Variants in LIPG observed in about 807,000 individuals in gnomAD.
LIPG encodes lipase G, endothelial type, also known as endothelial lipase.
In LIPG, 34 loss-of-function variants were observed where a neutral mutation model predicts 51.8. The ratio of observed to expected loss-of-function variants is 0.66; its 90% CI spans 0.50 to 0.87. The LOEUF (loss-of-function observed/expected upper bound fraction) is 0.87, where lower values mean the gene tolerates loss of function less well. Ranked by LOEUF, LIPG falls within the 40% of genes least tolerant of loss-of-function variation. LIPG has a pLI of 0.00. For synonymous variants in LIPG, 246 were observed against 246.1 expected, an observed-to-expected ratio of 1.00 and a Z score of 0.00; for missense variants, 580 against 652.7, an observed-to-expected ratio of 0.89 and a Z score of 1.21.
intron 5 of LIPG, among the ~76,000 whole-genome samples, chr18:49,578,306 C>T (rs1185523597): frequency 2.1e-4 from 29 of 140,826 alleles, no homozygotes; most frequent in East Asian, 4.4e-4. Context: ...ACTTCTCAGA[C>T]GGGGCAGCCG....
chr18:49,572,343 AAAAC>A (rs990857398), intron 4 of LIPG, among the ~76,000 whole-genome samples: 153 of 151,698 alleles, frequency 1.0e-3, no homozygotes, highest in Admixed American at 3.8e-3. Context: ...TAAAAAATAA[AAAAC>A]AAACAAACAA....
In LIPG at chr18:49,590,551, G is replaced by A. The variant is rs1169098253; in HGVS notation, c.*29G>A. ...TGCCCGGGCAAGTCTTGCCAGCAAG[G>A]CAGCAAGACTTCCTGCTATCCAAGC... On this transcript the variant is annotated 3_prime_UTR_variant, in exon 10 of 10. Transcript: ENST00000261292. 2 of 1,586,664 alleles carry A rather than the reference G, an allele frequency of 1.3e-6. No homozygotes were observed. The highest frequency in any genetic ancestry group is 1.7e-6 in the Non-Finnish European group (2 of 1,163,706).
chr18:49,587,568 C>CAAAAAAAAAAAAAA lies in LIPG; in HGVS notation c.1481+731_1481+744dup, dbSNP rs34734805. Among the ~76,000 whole-genome samples the CAAAAAAAAAAAAAA allele has an allele frequency of 1.4e-4, 6 of 42,310 alleles. 1 individual carries two copies. Among genetic ancestry groups the CAAAAAAAAAAAAAA allele is most frequent in the African/African-American group, 4.8e-4 (6 of 12,628 alleles). The allele number at this position is 42,310 out of a possible 152,430, so 27.8% of individuals were successfully genotyped here. A position where few individuals can be genotyped will look rare whatever the true frequency, so the allele number is the denominator to read the frequency against. ...TGGGTGACAGAGTGAGACTCCGTCT[C>CAAAAAAAAAAAAAA]AAAAAAAAAAAAAAAAAAAAAAAAA... On this transcript the variant is annotated intron_variant, in intron 9 of 9. Transcript: ENST00000261292.
chr18:49,591,049 CTTA>C lies in LIPG; in HGVS notation c.*528_*530del. On this transcript the variant is annotated 3_prime_UTR_variant, in exon 10 of 10. Coordinates refer to ENST00000261292, the MANE Select transcript of LIPG (RefSeq NM_006033.4). ...GTTGCACTGACCATACTGCTTACGT[CTTA>C]GCCATTCCGTCCTGCTCCCCAGCTC... The C allele has an allele frequency of 5.6e-5, 11 of 197,662 alleles. No homozygotes were observed. The highest frequency in any genetic ancestry group is 1.6e-4 in the Admixed American group (3 of 18,996). The allele number at this position is 197,662 out of a possible 1,614,324, so 12.2% of individuals were successfully genotyped here. A position where few individuals can be genotyped will look rare whatever the true frequency, so the allele number is the denominator to read the frequency against.
chr18:49,577,026 A>AT (rs1221324643), intron 5 of LIPG, among the ~76,000 whole-genome samples: 32 of 148,774 alleles, frequency 2.2e-4, no homozygotes, highest in Non-Finnish European at 3.1e-4. Flanking sequence ...TTATTTATTT[A>AT]TTTTTTTTTT....
intron 1 of LIPG, among the ~76,000 whole-genome samples, chr18:49,563,430 A>G (rs796656035): frequency 2.0e-4 from 31 of 152,058 alleles, no homozygotes; most frequent in African/African-American, 7.2e-4. Flanking sequence ...TTCATTGCAA[A>G]AAGTATTTAC....
At chr18:49,564,088 G>C (rs2084578255) in intron 1 of LIPG, among the ~76,000 whole-genome samples, 1 of 152,078 alleles carries the variant, frequency 6.6e-6, no homozygotes, top group Non-Finnish European at 1.5e-5. Context: ...GCATTTTCTG[G>C]AACCTTATCC....
chr18:49,586,966 A>T (rs867483457), intron 9 of LIPG, 116 bp downstream of exon 9: 1 of 795,154 alleles, frequency 1.3e-6, no homozygotes, highest in Admixed American at 2.0e-5. Context: ...ACAGATAAAA[A>T]TCTCTTCCTT....
At position 49,593,848 on chromosome 18, in the gene LIPG, A is replaced by G. The variant is rs1310275503; in HGVS notation, c.*3326A>G. On this transcript the variant is annotated 3_prime_UTR_variant, in exon 10 of 10. Coordinates refer to ENST00000261292, the MANE Select transcript of LIPG (RefSeq NM_006033.4). ...AGGGTGCCCATGGGCCCTGCTGAAG[A>G]TCCAATTACTATTTATTTAAAATTG... 2 of 152,236 alleles carry G rather than the reference A, an allele frequency of 1.3e-5. No homozygotes were observed. Among genetic ancestry groups the G allele is most frequent in the Non-Finnish European group, 2.9e-5 (2 of 68,036 alleles). The allele number at this position is 152,236 out of a possible 1,614,324, so 9.4% of individuals were successfully genotyped here.
At chr18:49,578,885 GCCTGCAATCGCAGGCACT>G (rs1260261572) in intron 5 of LIPG, among the ~76,000 whole-genome samples, 1 of 76,696 alleles carries the variant, frequency 1.3e-5, no homozygotes, top group South Asian at 5.2e-4. Flanking sequence ...GGTGGCGCGT[GCCTGCAATCGCAGGCACT>G]CGGCAGGCTG....
At chr18:49,567,696 T>C in intron 3 of LIPG, 75 bp downstream of exon 3, 1 of 1,443,716 alleles carries the variant, frequency 6.9e-7, no homozygotes, top group Non-Finnish European at 9.6e-7. Flanking sequence ...ATGCAGGTCA[T>C]GCATCTGTTG....
chr18:49,564,019 G>T (rs1450385774), intron 1 of LIPG, among the ~76,000 whole-genome samples: 2 of 152,060 alleles, frequency 1.3e-5, no homozygotes, highest in Non-Finnish European at 2.9e-5. Flanking sequence ...TGCTGGTTGG[G>T]GCTTTTGTTC....
In LIPG at chr18:49,590,934, CAGTGAGA is replaced by C. The variant is rs773720256; in HGVS notation, c.*416_*422del. 5 of 302,974 alleles carry C rather than the reference CAGTGAGA, an allele frequency of 1.7e-5. No homozygotes were observed. Among genetic ancestry groups the C allele is most frequent in the Non-Finnish European group, 3.2e-5 (5 of 154,932 alleles). The allele number at this position is 302,974 out of a possible 1,614,324, so 18.8% of individuals were successfully genotyped here. On this transcript the variant is annotated 3_prime_UTR_variant, in exon 10 of 10. Transcript: ENST00000261292. ...CAGCTGCTCAGCCTGCTTTGAGCCT[CAGTGAGA>C]AGTCCTTCCGACAGGAGCTGACTCA... is the stretch of plus-strand genomic sequence containing the variant.
At chr18:49,586,669 T>A in intron 8 of LIPG, 77 bp from the exon 9 acceptor site, 1 of 1,058,904 alleles carries the variant, frequency 9.4e-7, no homozygotes, top group Non-Finnish European at 1.5e-6. Flanking sequence ...TCCTCACCCA[T>A]CTGCCTTGAA....
intron 7 of LIPG, 117 bp from the exon 8 acceptor site, chr18:49,583,439 A>G: frequency 2.4e-6 from 2 of 820,156 alleles, no homozygotes; most frequent in Non-Finnish European, 4.2e-6. Context: ...TGGGGAAAGC[A>G]CTCACACTGT....
upstream of LIPG, chr18:49,561,680 G>T: frequency 8.0e-7 from 1 of 1,242,706 alleles, no homozygotes; most frequent in Non-Finnish European, 1.0e-6. Context: ...TTGAGCCTTG[G>T]AGAGGATGCT....
intron 9 of LIPG, 75 bp downstream of exon 9, chr18:49,586,925 A>G (rs1406696881): frequency 9.2e-7 from 1 of 1,089,370 alleles, no homozygotes; most frequent in Non-Finnish European, 1.4e-6. Context: ...CTGGGGATGG[A>G]TCTGGGTGCC....
intron 9 of LIPG, among the ~76,000 whole-genome samples, chr18:49,587,590 A>T (rs1204171662): frequency 6.6e-6 from 1 of 150,420 alleles, no homozygotes; most frequent in Non-Finnish European, 1.5e-5. Flanking sequence ...AAAAAAAAAA[A>T]AAAAGAAGCT....
intron 5 of LIPG, among the ~76,000 whole-genome samples, chr18:49,576,117 T>G (rs1277179913): frequency 6.6e-6 from 1 of 152,006 alleles, no homozygotes; most frequent in Non-Finnish European, 1.5e-5. Context: ...AGATTACAGG[T>G]GTGAGCCACC....
Sources: allele counts gnomAD v4.1 joint callset (sites outside exome capture counted in the v4.1 genomes callset), GRCh38; gene constraint gnomAD v4.1.1; transcripts MANE v1.5; gene names NCBI Gene and HGNC (gene_info 2026-07-23, HGNC 2026-07-21).